MAST4: variants seen among roughly 807,000 people sequenced by gnomAD.
MAST4 encodes microtubule-associated serine/threonine-protein kinase 4.
Under a neutral mutation model 162.7 loss-of-function variants are expected in MAST4, and 89 were observed. The ratio of observed to expected loss-of-function variants is 0.55; its 90% CI spans 0.46 to 0.65. MAST4 has a LOEUF of 0.65. Ranked by LOEUF, MAST4 falls within the 30% of genes least tolerant of loss-of-function variation. MAST4 has a pLI of 0.00. For missense variants in MAST4, 3,153 were observed against 3,374.0 expected (o/e 0.93, Z 1.62); for synonymous variants, 1,479 against 1,361.1 (o/e 1.09, Z -1.91).
chr5:66,966,123 T>G (rs925274724), intron 4 of MAST4, among the ~76,000 whole-genome samples: 1 of 152,184 alleles, frequency 6.6e-6, no homozygotes, highest in South Asian at 2.1e-4. Context: ...CAGATGAAAA[T>G]GCTAACCCAT....
At chr5:66,883,910 T>TG (rs1761873130) in intron 3 of MAST4, among the ~76,000 whole-genome samples, 1 of 152,220 alleles carries the variant, frequency 6.6e-6, no homozygotes, top group East Asian at 1.9e-4. Flanking sequence ...GTCTTTTTTT[T>TG]GGATGCGTTG....
Position 67,044,296 on chromosome 5 carries a change from G to A in MAST4, c.675-10108G>A, listed in dbSNP as rs183670123. Among the ~76,000 whole-genome samples, 93 of 152,194 alleles carry A rather than the reference G, an allele frequency of 6.1e-4. 1 individual carries two copies. The highest frequency in any genetic ancestry group is 6.8e-3 in the Middle Eastern group (2 of 294). Reference sequence around the variant, plus strand: ...CGTCATTGACTCTCCCAGCCCTTGAGGTCCTTCCTGTAAATACATGACCTG... The same window carrying A: ...CGTCATTGACTCTCCCAGCCCTTGAAGTCCTTCCTGTAAATACATGACCTG... On this transcript the variant is annotated intron_variant, in intron 4 of 28. Coordinates refer to ENST00000403625, the MANE Select transcript of MAST4 (RefSeq NM_001164664.2).
chr5:67,081,682 A>C (rs1257244285), intron 5 of MAST4, among the ~76,000 whole-genome samples: 1 of 152,188 alleles, frequency 6.6e-6, no homozygotes, highest in East Asian at 1.9e-4. Flanking sequence ...AGACAACTGC[A>C]CTTGCACCTC....
chr5:66,851,380 C>T lies in MAST4; in HGVS notation c.643-48571C>T, dbSNP rs192320184. Reference sequence around the variant, plus strand: ...TAATAGGAGGGTGGGCAGGAGCAGCCGTCTAATTTATTAGGCTGCTAGCCA... The same window carrying T: ...TAATAGGAGGGTGGGCAGGAGCAGCTGTCTAATTTATTAGGCTGCTAGCCA... On this transcript the variant is annotated intron_variant, in intron 3 of 28. Coordinates refer to ENST00000403625, the MANE Select transcript of MAST4 (RefSeq NM_001164664.2). Among the ~76,000 whole-genome samples, 25 of 152,270 alleles carry T rather than the reference C, an allele frequency of 1.6e-4. 1 individual carries two copies. The highest frequency in any genetic ancestry group is 1.0e-3 in the South Asian group (5 of 4,822).
intron 1 of MAST4, among the ~76,000 whole-genome samples, chr5:66,666,580 A>G (rs948606424): frequency 3.3e-5 from 5 of 152,210 alleles, no homozygotes; most frequent in Non-Finnish European, 7.3e-5. Flanking sequence ...AAGGAAAGCT[A>G]ATTTAGTAGA....
intron 1 of MAST4, among the ~76,000 whole-genome samples, chr5:66,664,261 C>G (rs894801379): frequency 6.6e-6 from 1 of 151,732 alleles, no homozygotes; most frequent in Non-Finnish European, 1.5e-5. Flanking sequence ...CATGGTGAAA[C>G]CCCGTCTCTA....
chr5:66,965,030 A>G (rs911577930), intron 4 of MAST4, among the ~76,000 whole-genome samples: 1 of 152,184 alleles, frequency 6.6e-6, no homozygotes, highest in African/African-American at 2.4e-5. Context: ...GGCCGAACTG[A>G]AATCTGCAAA....
At chr5:67,007,740 T>C (rs189619847) in intron 4 of MAST4, among the ~76,000 whole-genome samples, 2 of 152,320 alleles carry the variant, frequency 1.3e-5, no homozygotes, top group Admixed American at 1.3e-4. Flanking sequence ...ATGGAAACTT[T>C]TGGTTTGCTA....
intron 4 of MAST4, among the ~76,000 whole-genome samples, chr5:67,052,022 A>G (rs1561580281): frequency 6.6e-6 from 1 of 152,312 alleles, no homozygotes; most frequent in African/African-American, 2.4e-5. Context: ...GTGATGAATT[A>G]TGCTTTGATT....
intron 4 of MAST4, among the ~76,000 whole-genome samples, chr5:66,904,730 ATTTATT>A (rs2149992464): frequency 6.6e-6 from 1 of 152,238 alleles, no homozygotes; most frequent in East Asian, 1.9e-4. Context: ...GCTGTTTTAA[ATTTATT>A]TTTATTTAAA....
chr5:66,992,919 TGCTATG>T (rs1750213214), intron 4 of MAST4, among the ~76,000 whole-genome samples: 1 of 152,192 alleles, frequency 6.6e-6, no homozygotes, highest in African/African-American at 2.4e-5. Flanking sequence ...ATCTTTTCTC[TGCTATG>T]GCTGTGTGTG....
Position 67,166,051 on chromosome 5 carries a change from G to A in MAST4, c.6872G>A (p.Gly2291Asp), listed in dbSNP as rs546151312. The change falls in exon 29 of 29, where the codon GGT becomes GAT. Residue 2291 changes from glycine (G) to aspartate (D), a missense_variant. Gly to Asp is a moderately conservative substitution (Grantham distance 94). Coordinates refer to ENST00000403625, the MANE Select transcript of MAST4 (RefSeq NM_001164664.2). ...GACGCCAAGCCACAACCCACCAGTG[G>A]TGGGCGGCCCCTGGAGGTGCTGGAG... ...PLDAKPQPTS[G>D]GRPLEVLEKP... is the part of the protein sequence containing the mutation. 1 of 1,613,814 alleles carries A rather than the reference G, an allele frequency of 6.2e-7. No homozygotes were observed. Among genetic ancestry groups the A allele is most frequent in the African/African-American group, 1.3e-5 (1 of 75,060 alleles).
rs1229887705 is a variant in MAST4, at chr5:67,166,395, C to T, written c.7216C>T (p.Pro2406Ser). The T allele has an allele frequency of 2.5e-6, 4 of 1,610,296 alleles. No individual in the cohort carries two copies. In the African/African-American group the frequency reaches 4.0e-5, roughly 16 times the overall value. ...SENRLKGAER[P>S]AAGVGKGFPE... ...GAACCGGTTGAAAGGCGCGGAGCGG[C>T]CAGCCGCGGGGGTGGGGAAGGGCTT... Residue 2406 changes from proline to serine, a missense_variant, in exon 29 of 29, where the codon CCA becomes TCA. Transcript: ENST00000403625.
chr5:66,913,877 A>G (rs1238963314), intron 4 of MAST4, among the ~76,000 whole-genome samples: 1 of 152,182 alleles, frequency 6.6e-6, no homozygotes, highest in African/African-American at 2.4e-5. Flanking sequence ...TTCCCGCACC[A>G]TTTGTTGAAC....
intron 1 of MAST4, among the ~76,000 whole-genome samples, chr5:66,598,021 G>C (rs1038733985): frequency 1.3e-5 from 2 of 152,208 alleles, no homozygotes; most frequent in African/African-American, 4.8e-5. Context: ...CTGAGTGCCA[G>C]TGTTGTATTT....
At chr5:67,143,528 G>A (rs1454439794) in intron 21 of MAST4, among the ~76,000 whole-genome samples, 1 of 152,160 alleles carries the variant, frequency 6.6e-6, no homozygotes, top group Non-Finnish European at 1.5e-5. Flanking sequence ...ATTTTCAGTA[G>A]CTATATATTT....
chr5:66,750,138 GTCTCT>G (rs901289991), intron 1 of MAST4, among the ~76,000 whole-genome samples: 9 of 152,168 alleles, frequency 5.9e-5, no homozygotes, highest in Non-Finnish European at 8.8e-5. Context: ...TTATGAATCA[GTCTCT>G]TCTCTTTTTT....
At chr5:66,984,452 G>C (rs952817308) in intron 4 of MAST4, among the ~76,000 whole-genome samples, 43 of 152,148 alleles carry the variant, frequency 2.8e-4, no homozygotes, top group African/African-American at 9.7e-4. Flanking sequence ...GAAAGCACTT[G>C]ATATTTTTAT....
chr5:66,860,148 C>T (rs987785829), intron 3 of MAST4, among the ~76,000 whole-genome samples: 1 of 152,214 alleles, frequency 6.6e-6, no homozygotes, highest in Non-Finnish European at 1.5e-5. Context: ...AGCTCTGTGA[C>T]CTCAGACACA....
Sources: allele counts gnomAD v4.1 joint callset (sites outside exome capture counted in the v4.1 genomes callset), GRCh38; gene constraint gnomAD v4.1.1; transcripts MANE v1.5; gene names NCBI Gene and HGNC (gene_info 2026-07-23, HGNC 2026-07-21).